Variants in ZMIZ2 observed in about 807,000 individuals in gnomAD.
ZMIZ2 encodes the protein zinc finger MIZ-type containing 2, also known as zinc finger MIZ domain-containing protein 2.
Under a neutral mutation model 93.9 loss-of-function variants are expected in ZMIZ2, and 26 were observed. That is an observed-to-expected ratio of 0.28 (90% confidence interval 0.20 to 0.38). The LOEUF is 0.38. Ranked by LOEUF, ZMIZ2 falls within the 10% of genes least tolerant of loss-of-function variation. ZMIZ2 has a pLI of 1.00. For synonymous variants in ZMIZ2, 485 were observed against 516.4 expected (o/e 0.94, Z 0.82); for missense variants, 1,023 against 1,235.0 (o/e 0.83, Z 2.57).
chr7:44,767,690 C>T lies in ZMIZ2; in HGVS notation c.*67C>T. The stretch of plus-strand genomic sequence containing the variant: ...TGTCACCACAGCCCTGCCCTTCATG[C>T]CCAGCCCCATGGGACACCCGGTGGT... On this transcript the variant is annotated 3_prime_UTR_variant, in exon 19 of 19. Coordinates refer to ENST00000309315, the MANE Select transcript of ZMIZ2 (RefSeq NM_031449.4). 7.0e-7 allele frequency: 1 copy of T among 1,432,384 alleles called. No individual in the cohort carries two copies. The highest frequency in any genetic ancestry group is 9.8e-7 in the Non-Finnish European group (1 of 1,019,858). The allele number at this position is 1,432,384 out of a possible 1,614,324, so 88.7% of individuals were successfully genotyped here.
intron 7 of ZMIZ2, 22 bp downstream of exon 7, chr7:44,759,482 C>A: frequency 2.1e-6 from 3 of 1,455,362 alleles, no homozygotes; most frequent in South Asian, 2.9e-5. Context: ...TCCTCCAGGC[C>A]CTGTGCCGGG....
rs1045822695 is a variant in ZMIZ2 at position 44,761,674 on chromosome 7, T to C, written c.1386-21T>C. 1 of 1,613,780 alleles carries C rather than the reference T, an allele frequency of 6.2e-7. No individual in the cohort carries two copies. The highest frequency in any genetic ancestry group is 1.3e-5 in the African/African-American group (1 of 75,032). On this transcript the variant is annotated intron_variant, in intron 10 of 18. Transcript: ENST00000309315. The surrounding 1 kb of genome is among the most constrained non-coding windows in gnomAD (Gnocchi z 5.8). ...ACTCTCAGGGCCCGTTTTCTGGGTG[T>C]CCACCCATCTTCCTGAGCAGGCCTG...
chr7:44,760,431 C>T lies in ZMIZ2; in HGVS notation c.1078C>T (p.Arg360Cys), dbSNP rs377404747. The change falls in exon 9 of 19, where the codon CGT becomes TGT. Residue 360 changes from arginine (R) to cysteine (C), a missense_variant. This residue lies in a region of ZMIZ2 where 656 missense variants were observed against 777.1 expected (regional missense o/e 0.84). Transcript: ENST00000309315. Reference protein sequence around the residue: ...YSQPGLSGPTRSIPGYPSSPL... With the variant: ...YSQPGLSGPTCSIPGYPSSPL... ...TTTGTGCTCAACCCTACAGCCTACC[C>T]GTTCCATCCCGGGCTATCCCAGTTC... 6.2e-6 allele frequency: 10 copies of T among 1,613,992 alleles called. No homozygotes were observed. Among genetic ancestry groups the T allele is most frequent in the East Asian group, 4.5e-5 (2 of 44,878 alleles).
Position 44,765,708 on chromosome 7 carries a change from A to G in ZMIZ2, c.2242+129A>G. The G allele has an allele frequency of 2.0e-5, 28 of 1,382,500 alleles. No homozygotes were observed. The highest frequency in any genetic ancestry group is 2.7e-5 in the Non-Finnish European group (28 of 1,029,022). 85.6% of individuals were successfully genotyped at this position (1,382,500 alleles called of 1,614,324 possible). On this transcript the variant is annotated intron_variant, in intron 16 of 18. Transcript: ENST00000309315. This position sits in a 1 kb window ranked among gnomAD's most constrained non-coding sequence, Gnocchi z 4.1. ...ACACCTAGGTTATCAGTGTTGCCAC[A>G]CAAAACATGCCGCGGGGCACCTCCA...
In ZMIZ2 at chr7:44,763,416, AGGT is replaced by A; in HGVS notation, c.1860+7_1860+9del. ...GTCATGACTGTCGCCACATACAGGTAGGTGGTTACTGCAGAGTCTTGCCGGAAT... is the reference window on the plus strand; with the variant it reads ...GTCATGACTGTCGCCACATACAGGTAGGTTACTGCAGAGTCTTGCCGGAAT... On this transcript the variant is annotated splice_donor_5th_base_variant and intron_variant, in intron 13 of 18. Coordinates refer to ENST00000309315, the MANE Select transcript of ZMIZ2 (RefSeq NM_031449.4). This position sits in a 1 kb window ranked among gnomAD's most constrained non-coding sequence, Gnocchi z 5.6. 1 of 1,613,954 alleles carries A rather than the reference AGGT, an allele frequency of 6.2e-7. No individual in the cohort carries two copies. Among genetic ancestry groups the A allele is most frequent in the South Asian group, 1.1e-5 (1 of 91,078 alleles).
In ZMIZ2 at chr7:44,759,338, T is replaced by A. The variant is rs772393255; in HGVS notation, c.871T>A (p.Phe291Ile). 111 of 1,604,520 alleles carry A rather than the reference T, an allele frequency of 6.9e-5. No homozygotes were observed. Among genetic ancestry groups the A allele is most frequent in the Middle Eastern group, 1.7e-4 (1 of 6,040 alleles). ...GGQYAPSTAQ[F>I]APSPGQPPAP... The stretch of plus-strand genomic sequence containing the variant: ...CCAGTATGCACCCAGCACCGCCCAG[T>A]TTGCGCCCAGCCCTGGGCAGCCCCC... The change falls in exon 7 of 19, where the codon TTT becomes ATT. Residue 291 changes from phenylalanine to isoleucine, a missense_variant. Physicochemically the swap from Phe to Ile is conservative, Grantham distance 21. Coordinates refer to ENST00000309315, the MANE Select transcript of ZMIZ2 (RefSeq NM_031449.4).
chr7:44,756,334 C>CTGGGGTTGGGGGTGGCATTTCTGGAA (rs756370801), intron 2 of ZMIZ2, 35 bp downstream of exon 2: 27 of 1,613,860 alleles, frequency 1.7e-5, no homozygotes, highest in Non-Finnish European at 2.3e-5. Context: ...CCCTCAGGCC[C>CTGGGGTTGGGGGTGGCATTTCTGGAA]TGGGGTTGGG....
At chr7:44,764,877 A>G (rs909721104) in intron 14 of ZMIZ2, 64 bp from the exon 15 acceptor site, 4 of 1,557,070 alleles carry the variant, frequency 2.6e-6, no homozygotes, top group Non-Finnish European at 3.5e-6. Context: ...GAGAAATGAC[A>G]GGGCCTGTGC....
At position 44,758,497 on chromosome 7, in the gene ZMIZ2, C is replaced by T. The variant is rs1454770711; in HGVS notation, c.813+389C>T. Among the ~76,000 whole-genome samples the T allele has an allele frequency of 3.3e-5, 5 of 151,074 alleles. No individual in the cohort carries two copies. The East Asian group carries it at 5.8e-4, about 18-fold the overall frequency. On this transcript the variant is annotated intron_variant, in intron 6 of 18. Transcript: ENST00000309315. ...AAAAAAAAAAAAAAAAAGCAAAAGC[C>T]GGGCATGCTGTCTCATGCCTGTAAT...
intron 1 of ZMIZ2, among the ~76,000 whole-genome samples, chr7:44,753,051 G>C (rs1296889806): frequency 2.6e-4 from 40 of 152,166 alleles, no homozygotes; most frequent in Non-Finnish European, 4.4e-5. Flanking sequence ...CATTCTGATG[G>C]ATGTATAGTG....
At position 44,767,812 on chromosome 7, in the gene ZMIZ2, G is replaced by A. The variant is rs1274079308; in HGVS notation, c.*189G>A. On this transcript the variant is annotated 3_prime_UTR_variant, in exon 19 of 19. Coordinates refer to ENST00000309315, the MANE Select transcript of ZMIZ2 (RefSeq NM_031449.4). Reference sequence around the variant, plus strand: ...AGCAGCCCTGTGCTCGATGGGAGGGGCTCCCAGGCCGGCAGCCCTTGCCAC... The same window carrying A: ...AGCAGCCCTGTGCTCGATGGGAGGGACTCCCAGGCCGGCAGCCCTTGCCAC... 3.3e-6 allele frequency: 2 copies of A among 613,380 alleles called. No individual in the cohort carries two copies. The highest frequency in any genetic ancestry group is 1.8e-5 in the African/African-American group (1 of 54,066). 38.0% of individuals were successfully genotyped at this position (613,380 alleles called of 1,614,324 possible).
chr7:44,764,401 C>G lies in ZMIZ2; in HGVS notation c.1861-18C>G. ...CTACCCACAATGAGAAACTGACTTT[C>G]TTCCCATCTCTCTACAGTGCTTTGA... On this transcript the variant is annotated intron_variant, in intron 13 of 18. Coordinates refer to ENST00000309315, the MANE Select transcript of ZMIZ2 (RefSeq NM_031449.4). 6.2e-7 allele frequency: 1 copy of G among 1,613,502 alleles called. No homozygotes were observed. Among genetic ancestry groups the G allele is most frequent in the Non-Finnish European group, 8.5e-7 (1 of 1,179,652 alleles).
In ZMIZ2 at chr7:44,763,408, A is replaced by G. The variant is rs182117641; in HGVS notation, c.1855A>G (p.Ile619Val). The G allele has an allele frequency of 6.2e-7, 1 of 1,614,024 alleles. No homozygotes were observed. Among genetic ancestry groups the G allele is most frequent in the East Asian group, 2.2e-5 (1 of 44,868 alleles). Reference protein sequence around the residue: ...LPARGHDCRHIQCFDLESYLQ... With the variant: ...LPARGHDCRHVQCFDLESYLQ... Reference sequence around the variant, plus strand: ...TGCCCGAGGTCATGACTGTCGCCACATACAGGTAGGTGGTTACTGCAGAGT... The same window carrying G: ...TGCCCGAGGTCATGACTGTCGCCACGTACAGGTAGGTGGTTACTGCAGAGT... Residue 619 changes from isoleucine (I) to valine (V), a missense_variant, in exon 13 of 19, where the codon ATA (isoleucine) becomes GTA (valine). This residue lies in a region of ZMIZ2 where 48 missense variants were observed against 99.1 expected (regional missense o/e 0.48). Transcript: ENST00000309315. The surrounding 1 kb of genome is among the most constrained non-coding windows in gnomAD (Gnocchi z 5.6).
intron 18 of ZMIZ2, 137 bp from the exon 19 acceptor site, chr7:44,767,379 C>A: frequency 1.3e-6 from 1 of 777,820 alleles, no homozygotes; most frequent in Non-Finnish European, 2.1e-6. Context: ...GGCCCCGCAC[C>A]CGGCCTGTGT....
At chr7:44,756,849 A>T (rs1057256607) in intron 3 of ZMIZ2, 98 bp from the exon 4 acceptor site, 1 of 1,458,700 alleles carries the variant, frequency 6.9e-7, no homozygotes, top group Non-Finnish European at 9.5e-7. Context: ...CTCTCCCCCA[A>T]CCCACTTGCC....
At chr7:44,751,351 C>T (rs780339180) in intron 1 of ZMIZ2, among the ~76,000 whole-genome samples, 2 of 152,260 alleles carry the variant, frequency 1.3e-5, no homozygotes, top group Non-Finnish European at 2.9e-5. Flanking sequence ...ATCCTACTGA[C>T]TTCAGGTGGG....
Position 44,756,575 on chromosome 7 carries a change from A to T in ZMIZ2, c.165+36A>T, listed in dbSNP as rs772054359. ...ACTGGTGCCCCACCCCCGAGCAGAC[A>T]GAGCCTCCCAGCACTTGGCAGTGCT... is the stretch of plus-strand genomic sequence containing the variant. On this transcript the variant is annotated intron_variant, in intron 3 of 18. Coordinates refer to ENST00000309315, the MANE Select transcript of ZMIZ2 (RefSeq NM_031449.4). 907 of 1,606,972 alleles carry T rather than the reference A, an allele frequency of 5.6e-4. 9 individuals carry two copies. In the East Asian group the frequency reaches 0.017, roughly 30 times the overall value.
chr7:44,764,521 G>A (rs1330160826), intron 14 of ZMIZ2, 35 bp downstream of exon 14: 1 of 1,610,384 alleles, frequency 6.2e-7, no homozygotes, highest in Non-Finnish European at 8.5e-7. Flanking sequence ...TGGAGGAGGG[G>A]CTGGTGCTTT....
chr7:44,750,528 T>C (rs904232559), intron 1 of ZMIZ2, among the ~76,000 whole-genome samples: 1 of 152,238 alleles, frequency 6.6e-6, no homozygotes, highest in Non-Finnish European at 1.5e-5. Context: ...TCCTGATGTG[T>C]GACCTATTGA....
Sources: gnomAD v4.1 joint callset for allele counts (sites outside exome capture counted in the v4.1 genomes callset) on GRCh38, gnomAD v4.1.1 for gene constraint, gnomAD v4.1.1 regional missense constraint, Gnocchi (gnomAD v3.1) non-coding constraint, MANE v1.5 for transcripts, NCBI Gene and HGNC (gene_info 2026-07-23, HGNC 2026-07-21) for gene names.